Variants in SUFU observed in about 807,000 individuals in gnomAD.
The protein encoded by SUFU is SUFU negative regulator of hedgehog signaling.
A neutral mutation model predicts 58.9 loss-of-function variants in SUFU; 7 were observed. The observed-to-expected ratio is 0.12, with a 90% confidence interval of 0.07 to 0.22. The LOEUF (loss-of-function observed/expected upper bound fraction) is 0.22, where lower values mean the gene tolerates loss of function less well. SUFU is among the 10% of genes least tolerant of loss of function. The pLI is 1.00. For synonymous variants in SUFU, 232 were observed against 254.8 expected (o/e 0.91, Z 0.85); for missense variants, 451 against 641.3 (o/e 0.70, Z 3.20).
At chr10:102,603,442 T>C (rs1235736396) in intron 8 of SUFU, among the ~76,000 whole-genome samples, 1 of 152,174 alleles carries the variant, frequency 6.6e-6, no homozygotes, top group African/African-American at 2.4e-5. Flanking sequence ...GGAAGCTCTC[T>C]GAGTTGTGTG....
At chr10:102,613,926 A>G (rs1590080625) in intron 8 of SUFU, among the ~76,000 whole-genome samples, 2 of 152,336 alleles carry the variant, frequency 1.3e-5, no homozygotes, top group East Asian at 1.9e-4. Flanking sequence ...AATCTGGTAC[A>G]GGCTCCTGGG....
At chr10:102,520,068 G>C (rs1376820622) in intron 2 of SUFU, among the ~76,000 whole-genome samples, 1 of 151,738 alleles carries the variant, frequency 6.6e-6, no homozygotes, top group African/African-American at 2.4e-5. Flanking sequence ...CACCGCGCCT[G>C]GCCAGTTTCC....
At chr10:102,506,062 A>G (rs1460735470) in intron 1 of SUFU, among the ~76,000 whole-genome samples, 1 of 150,620 alleles carries the variant, frequency 6.6e-6, no homozygotes, top group East Asian at 1.9e-4. Context: ...AAAAAAAAAA[A>G]AAAAGAAGTG....
intron 3 of SUFU, among the ~76,000 whole-genome samples, chr10:102,571,669 G>A (rs553376555): frequency 1.3e-3 from 204 of 152,266 alleles, no homozygotes; most frequent in African/African-American, 4.6e-3. Flanking sequence ...TAGCCTGGGC[G>A]ACAGAGCAAG....
Position 102,630,199 on chromosome 10 carries a change from C to T in SUFU, c.*44C>T, listed in dbSNP as rs761344216. On this transcript the variant is annotated 3_prime_UTR_variant, in exon 12 of 12. Transcript: ENST00000369902. ...GTGGCCAGCAGGGAGCCCAGCTGCT[C>T]CCCAGTGACTTCCAGTGTAACAGTT... 41 of 1,480,650 alleles carry T rather than the reference C, an allele frequency of 2.8e-5. No individual in the cohort carries two copies. Among genetic ancestry groups the T allele is most frequent in the Non-Finnish European group, 3.7e-5 (39 of 1,059,260 alleles). 91.7% of individuals were successfully genotyped at this position (1,480,650 alleles called of 1,614,324 possible).
intron 6 of SUFU, among the ~76,000 whole-genome samples, chr10:102,595,423 C>T (rs965250659): frequency 1.3e-5 from 2 of 152,344 alleles, no homozygotes; most frequent in African/African-American, 4.8e-5. Context: ...ATGCAAGAAC[C>T]AGGAACCAGG....
chr10:102,579,826 G>A (rs1428329074), intron 3 of SUFU: 9 of 985,290 alleles, frequency 9.1e-6, no homozygotes, highest in Non-Finnish European at 1.1e-5. Flanking sequence ...CTTTTCAAGT[G>A]ATAAAACTGC....
intron 3 of SUFU, among the ~76,000 whole-genome samples, chr10:102,591,944 A>T (rs1046652626): frequency 2.0e-5 from 3 of 152,198 alleles, no homozygotes; most frequent in African/African-American, 7.2e-5. Context: ...GAATCTGAAC[A>T]TCTCAGAGAC....
intron 3 of SUFU, among the ~76,000 whole-genome samples, chr10:102,564,086 A>C (rs2063065203): frequency 6.6e-6 from 1 of 152,184 alleles, no homozygotes; most frequent in Non-Finnish European, 1.5e-5. Context: ...TCTCAGATCC[A>C]AGAGGGAGAT....
At chr10:102,606,096 G>C (rs1489109577) in intron 8 of SUFU, among the ~76,000 whole-genome samples, 1 of 152,196 alleles carries the variant, frequency 6.6e-6, no homozygotes, top group Non-Finnish European at 1.5e-5. Context: ...GGGAAGCATG[G>C]TTGAGACTCT....
intron 2 of SUFU, among the ~76,000 whole-genome samples, chr10:102,543,468 C>G (rs1485386417): frequency 6.6e-6 from 1 of 152,080 alleles, no homozygotes; most frequent in East Asian, 1.9e-4. Context: ...TTAAAATGTA[C>G]GCTTTCATGG....
In SUFU at chr10:102,615,232, C is replaced by A. The variant is rs780518466; in HGVS notation, c.1023-36C>A. The A allele has an allele frequency of 3.1e-6, 5 of 1,614,014 alleles. No homozygotes were observed. In the Admixed American group the frequency reaches 5.0e-5, roughly 16 times the overall value. Reference sequence around the variant, plus strand: ...ATCTTGCTCCTCCCTGAGCTTTTCACCTTGTGCCGAACCTTTTCCTGTGCT... The same window carrying A: ...ATCTTGCTCCTCCCTGAGCTTTTCAACTTGTGCCGAACCTTTTCCTGTGCT... On this transcript the variant is annotated intron_variant, in intron 8 of 11. Transcript: ENST00000369902.
intron 2 of SUFU, among the ~76,000 whole-genome samples, chr10:102,524,720 T>C (rs1028832002): frequency 1.3e-5 from 2 of 152,216 alleles, no homozygotes; most frequent in Admixed American, 6.5e-5. Flanking sequence ...TACTTACTTA[T>C]TTGTCTTGTT....
At chr10:102,535,959 ATGATGATGATGT>A (rs777862724) in intron 2 of SUFU, among the ~76,000 whole-genome samples, 4 of 150,876 alleles carry the variant, frequency 2.7e-5, no homozygotes, top group Admixed American at 6.6e-5. Context: ...GATGATGATG[ATGATGATGATGT>A]TGTTGATGAT....
At chr10:102,504,855 TGGTGC>T (rs2062304645) in intron 1 of SUFU, among the ~76,000 whole-genome samples, 3 of 152,008 alleles carry the variant, frequency 2.0e-5, no homozygotes, top group African/African-American at 7.3e-5. Flanking sequence ...GATGAGGGCC[TGGTGC>T]TTGTGGAGAG....
At chr10:102,573,068 C>T (rs1415507310) in intron 3 of SUFU, 19 of 800,012 alleles carry the variant, frequency 2.4e-5, no homozygotes, top group Admixed American at 6.8e-5. Flanking sequence ...CCTCCAGAAT[C>T]GCAGTGTCTT....
rs892399500 is a variant in SUFU, at chr10:102,615,250, C to A, written c.1023-18C>A. 5 of 1,614,054 alleles carry A rather than the reference C, an allele frequency of 3.1e-6. No homozygotes were observed. Among genetic ancestry groups the A allele is most frequent in the Non-Finnish European group, 4.2e-6 (5 of 1,180,028 alleles). On this transcript the variant is annotated intron_variant, in intron 8 of 11. Transcript: ENST00000369902. ...CTTTTCACCTTGTGCCGAACCTTTT[C>A]CTGTGCTTGCTTCACAGGAGCCGCA...
intron 2 of SUFU, among the ~76,000 whole-genome samples, chr10:102,519,231 C>T (rs2062516189): frequency 6.7e-6 from 1 of 149,740 alleles, no homozygotes; most frequent in African/African-American, 2.5e-5. Context: ...CAAGTCAAGA[C>T]TTCACCAACC....
At chr10:102,566,556 A>G (rs1047572615) in intron 3 of SUFU, among the ~76,000 whole-genome samples, 3 of 152,064 alleles carry the variant, frequency 2.0e-5, no homozygotes, top group African/African-American at 7.2e-5. Flanking sequence ...CAGGGTCAGG[A>G]GTTCTAGACC....
Sources: gnomAD v4.1 joint callset for allele counts (sites outside exome capture counted in the v4.1 genomes callset) on GRCh38, gnomAD v4.1.1 for gene constraint, MANE v1.5 for transcripts, NCBI Gene and HGNC (gene_info 2026-07-23, HGNC 2026-07-21) for gene names.